CCDC68: variants seen among roughly 807,000 people sequenced by gnomAD.
CCDC68 encodes coiled-coil domain containing 68.
A neutral mutation model predicts 47.1 loss-of-function variants in CCDC68; 45 were observed. That is an observed-to-expected ratio of 0.96 (90% CI 0.75 to 1.23). CCDC68 has a LOEUF of 1.23. Among genes scored for constraint, CCDC68 ranks in the 50% most tolerant of loss-of-function variants. The probability of loss-of-function intolerance (pLI) is 0.00; values close to 1 mark genes in which losing one functional copy is unlikely to be tolerated. For missense variants in CCDC68, 353 were observed against 373.6 expected, an observed-to-expected ratio of 0.94 and a Z score of 0.45; for synonymous variants, 131 against 129.5, an observed-to-expected ratio of 1.01 and a Z score of -0.08.
intron 1 of CCDC68, among the ~76,000 whole-genome samples, chr18:54,956,674 T>C (rs77553562): frequency 6.6e-6 from 1 of 152,194 alleles, no homozygotes; most frequent in Non-Finnish European, 1.5e-5. Flanking sequence ...CTATATATTG[T>C]ACGATTCCAT....
intron 6 of CCDC68, 47 bp from the exon 7 acceptor site, chr18:54,934,995 A>G (rs766347984): frequency 1.4e-6 from 2 of 1,461,476 alleles, no homozygotes; most frequent in Non-Finnish European, 1.8e-6. Flanking sequence ...GTTTTTCTTA[A>G]ACCTATACAC....
rs534078578 is a variant in CCDC68 at position 54,935,213 on chromosome 18, A to G, written c.472-265T>C. ...AGCATACTTCCTGAACAGGTATAAGAGAGAAAGATGCTAATTTAACGAAAG... is the reference window on the plus strand; with the variant it reads ...AGCATACTTCCTGAACAGGTATAAGGGAGAAAGATGCTAATTTAACGAAAG... On this transcript the variant is annotated intron_variant, in intron 6 of 11. Transcript: ENST00000591504. 4.6e-5 allele frequency among the ~76,000 whole-genome samples: 7 copies of G among 152,336 alleles called. No individual in the cohort carries two copies. In the South Asian group the frequency reaches 1.4e-3, roughly 32 times the overall value.
chr18:54,936,791 G>A, intron 6 of CCDC68, 42 bp downstream of exon 6: 3 of 1,612,118 alleles, frequency 1.9e-6, no homozygotes, highest in Non-Finnish European at 1.7e-6. Context: ...ACAGCTCAGG[G>A]TGGGGGCTAG....
At chr18:54,945,331 A>C (rs2044507539) in intron 2 of CCDC68, 57 bp downstream of exon 2, 2 of 152,170 alleles carry the variant, frequency 1.3e-5, no homozygotes, top group Admixed American at 6.5e-5. Flanking sequence ...TAGGATTATT[A>C]ATCCTATGTT....
chr18:54,905,038 T>A (rs928686469), intron 11 of CCDC68, among the ~76,000 whole-genome samples: 9 of 151,984 alleles, frequency 5.9e-5, no homozygotes, highest in Non-Finnish European at 1.3e-4. Context: ...GGTGGGATGA[T>A]CACTTGAGCC....
chr18:54,907,974 A>G, intron 10 of CCDC68, 112 bp from the exon 11 acceptor site: 3 of 679,208 alleles, frequency 4.4e-6, no homozygotes, highest in Non-Finnish European at 8.0e-6. Flanking sequence ...CAAGTTTGTT[A>G]TTGCAGTTAT....
At chr18:54,912,852 C>T (rs550571047) in intron 10 of CCDC68, among the ~76,000 whole-genome samples, 63 of 152,202 alleles carry the variant, frequency 4.1e-4, no homozygotes, top group Non-Finnish European at 1.2e-4. Context: ...GAGAACCAAG[C>T]GAAAGGGGTT....
At chr18:54,945,715 T>C (rs2145607119) in intron 1 of CCDC68, among the ~76,000 whole-genome samples, 1 of 152,342 alleles carries the variant, frequency 6.6e-6, no homozygotes, top group South Asian at 2.1e-4. Context: ...CTATTAAATA[T>C]TTGTTTCCGC....
rs2044764382 is a variant in CCDC68, at chr18:54,959,391, C to A, written c.-158G>T. ...CGGTGCTGCTCCTCCCCTGGGCGAT[C>A]GGACCTTGGGGCCAGGGTCGGCTGC... On this transcript the variant is annotated 5_prime_UTR_variant, in exon 1 of 12. Coordinates refer to ENST00000591504, the MANE Select transcript of CCDC68 (RefSeq NM_025214.3). 2 of 151,962 alleles carry A rather than the reference C, an allele frequency of 1.3e-5. No individual in the cohort carries two copies. The highest frequency in any genetic ancestry group is 4.8e-5 in the African/African-American group (2 of 41,262). The allele number at this position is 151,962 out of a possible 1,614,324, so 9.4% of individuals were successfully genotyped here. A position where few individuals can be genotyped will look rare whatever the true frequency, so the allele number is the denominator to read the frequency against.
At chr18:54,935,448 A>G (rs2044327848) in intron 6 of CCDC68, among the ~76,000 whole-genome samples, 1 of 152,228 alleles carries the variant, frequency 6.6e-6, no homozygotes. Flanking sequence ...AGTAAGCTAC[A>G]GTGGGACTGT....
chr18:54,932,188 G>GC (rs2044275687), intron 7 of CCDC68, among the ~76,000 whole-genome samples: 1 of 141,898 alleles, frequency 7.0e-6, no homozygotes, highest in Admixed American at 7.0e-5. Context: ...AACCAATTTG[G>GC]TTTTTTTTTT....
chr18:54,912,551 C>T lies in CCDC68; in HGVS notation c.874-4689G>A, dbSNP rs184874595. Among the ~76,000 whole-genome samples the T allele has an allele frequency of 5.3e-5, 8 of 152,124 alleles. No homozygotes were observed. In the East Asian group the frequency reaches 9.6e-4, roughly 18 times the overall value. On this transcript the variant is annotated intron_variant, in intron 10 of 11. Transcript: ENST00000591504. ...TAACTGTGACAATGACTAAAATCAACGTAAAAGACTATGCAAATTTAATGT... is the reference window on the plus strand; with the variant it reads ...TAACTGTGACAATGACTAAAATCAATGTAAAAGACTATGCAAATTTAATGT...
At chr18:54,942,862 G>T in intron 2 of CCDC68, 59 bp from the exon 3 acceptor site, 4 of 929,618 alleles carry the variant, frequency 4.3e-6, no homozygotes, top group Non-Finnish European at 7.0e-6. Context: ...ATGATTATAT[G>T]GTTCATAAAC....
At chr18:54,937,140 C>G (rs184938150) in intron 5 of CCDC68, 182 bp from the exon 6 acceptor site, 429 of 599,738 alleles carry the variant, frequency 7.2e-4, no homozygotes, top group African/African-American at 7.0e-3. Flanking sequence ...GAGAAACTCC[C>G]TATTTAGAGG....
At chr18:54,946,619 C>T (rs185835765) in intron 1 of CCDC68, among the ~76,000 whole-genome samples, 2 of 152,298 alleles carry the variant, frequency 1.3e-5, no homozygotes, top group South Asian at 2.1e-4. Context: ...AAAATTGCAT[C>T]GGGCCTTATG....
chr18:54,950,803 T>TATATATATATATATATATATATATATATA (rs35471289), intron 1 of CCDC68, among the ~76,000 whole-genome samples: 15 of 87,188 alleles, frequency 1.7e-4, no homozygotes, highest in African/African-American at 3.0e-4. Context: ...TATATATATA[T>TATATATATATATATATATATATATATATA]GATGCAATAA....
At position 54,953,549 on chromosome 18, in the gene CCDC68, T is replaced by G. The variant is rs34236460; in HGVS notation, c.-103+5787A>C. 3.6e-3 allele frequency among the ~76,000 whole-genome samples: 395 copies of G among 110,714 alleles called. 2 individuals are homozygous for G. Among genetic ancestry groups the G allele is most frequent in the African/African-American group, 0.014 (358 of 25,854 alleles). 72.6% of individuals were successfully genotyped at this position (110,714 alleles called of 152,430 possible). On this transcript the variant is annotated intron_variant, in intron 1 of 11. Coordinates refer to ENST00000591504, the MANE Select transcript of CCDC68 (RefSeq NM_025214.3). Reference sequence around the variant, plus strand: ...ACACACACACACACACATATATATATATAGAGAGAGAGAGATACATAGATA... The same window carrying G: ...ACACACACACACACACATATATATAGATAGAGAGAGAGAGATACATAGATA...
chr18:54,955,708 TTTTG>T (rs529541597), intron 1 of CCDC68, among the ~76,000 whole-genome samples: 27 of 152,116 alleles, frequency 1.8e-4, no homozygotes, highest in African/African-American at 4.6e-4. Flanking sequence ...AGAAGTTCTT[TTTTG>T]TTTGTTTGTT....
At chr18:54,917,867 A>ACT in intron 10 of CCDC68, 46 bp downstream of exon 10, 1 of 1,001,548 alleles carries the variant, frequency 1.0e-6, no homozygotes. Context: ...ACACACACAC[A>ACT]CACTCACACC....
Sources: gnomAD v4.1 joint callset for allele counts (sites outside exome capture counted in the v4.1 genomes callset) on GRCh38, gnomAD v4.1.1 for gene constraint, MANE v1.5 for transcripts, NCBI Gene and HGNC (gene_info 2026-07-23, HGNC 2026-07-21) for gene names.